Variants in SOX6 observed in about 807,000 individuals in gnomAD.
SOX6 encodes transcription factor SOX-6.
Under a neutral mutation model 97.8 loss-of-function variants are expected in SOX6, and 11 were observed. That is an observed-to-expected ratio of 0.11 (90% CI 0.07 to 0.19). SOX6 has a LOEUF of 0.19. SOX6 is among the 10% of genes least tolerant of loss of function. The pLI, the probability that SOX6 is intolerant of heterozygous loss-of-function variation, is 1.00. For synonymous variants in SOX6, 360 were observed against 371.4 expected, an observed-to-expected ratio of 0.97 and a Z score of 0.35; for missense variants, 810 against 1,039.5, an observed-to-expected ratio of 0.78 and a Z score of 3.04.
chr11:16,425,726 A>G (rs1230793056), intron 1 of SOX6, among the ~76,000 whole-genome samples: 2 of 152,196 alleles, frequency 1.3e-5, no homozygotes, highest in Non-Finnish European at 1.5e-5. Flanking sequence ...CAATTGCCAC[A>G]AAAACAATAG....
chr11:16,682,127 G>C (rs1392619446), intron 3 of SOX6, among the ~76,000 whole-genome samples: 1 of 152,196 alleles, frequency 6.6e-6, no homozygotes, highest in African/African-American at 2.4e-5. Context: ...CCAGCATCAT[G>C]CTGATAACAA....
intron 3 of SOX6, among the ~76,000 whole-genome samples, chr11:16,250,276 C>A (rs944950315): frequency 1.5e-4 from 10 of 66,226 alleles, no homozygotes; most frequent in African/African-American, 5.1e-4. Context: ...TAATTGCAAG[C>A]CACGGCCTTG....
intron 12 of SOX6, among the ~76,000 whole-genome samples, chr11:16,027,581 A>G (rs982044646): frequency 4.6e-5 from 7 of 152,232 alleles, no homozygotes; most frequent in Non-Finnish European, 1.5e-5. Context: ...CCCAATTTTT[A>G]GTTCTTTGCT....
intron 6 of SOX6, among the ~76,000 whole-genome samples, chr11:16,139,727 T>A (rs1356441496): frequency 1.3e-5 from 2 of 151,922 alleles, no homozygotes; most frequent in Non-Finnish European, 2.9e-5. Flanking sequence ...TGGAGTGTAT[T>A]TTGCTTCTAA....
chr11:16,565,038 CAAT>C (rs1847854207), intron 4 of SOX6, among the ~76,000 whole-genome samples: 1 of 151,898 alleles, frequency 6.6e-6, no homozygotes, highest in Non-Finnish European at 1.5e-5. Context: ...TTGAAATGAT[CAAT>C]AATATTGGCA....
intron 3 of SOX6, chr11:16,314,770 T>C: frequency 6.6e-6 from 1 of 152,236 alleles, no homozygotes; most frequent in East Asian, 1.9e-4. Context: ...ACAATTGATA[T>C]TTTATATTAC....
chr11:16,592,701 A>G (rs1158008372), intron 4 of SOX6, among the ~76,000 whole-genome samples: 1 of 151,926 alleles, frequency 6.6e-6, no homozygotes, highest in Admixed American at 6.6e-5. Context: ...ATTAATACAA[A>G]TGTCCTATTT....
At chr11:16,058,994 T>C (rs1224801522) in intron 9 of SOX6, among the ~76,000 whole-genome samples, 3 of 152,104 alleles carry the variant, frequency 2.0e-5, no homozygotes, top group African/African-American at 7.2e-5. Flanking sequence ...TGATACATGA[T>C]GCCTTCAATT....
chr11:16,063,528 A>G, intron 9 of SOX6, among the ~76,000 whole-genome samples: 1 of 82,070 alleles, frequency 1.2e-5, no homozygotes, highest in Non-Finnish European at 2.4e-5. Flanking sequence ...ATATATATAT[A>G]TATATATATA....
At chr11:16,233,228 A>G (rs1852912708) in intron 4 of SOX6, among the ~76,000 whole-genome samples, 1 of 152,146 alleles carries the variant, frequency 6.6e-6, no homozygotes, top group African/African-American at 2.4e-5. Flanking sequence ...TAAGTACCCA[A>G]ATTGTTAGTG....
chr11:16,069,332 T>A (rs1848167257), intron 9 of SOX6, among the ~76,000 whole-genome samples: 1 of 152,220 alleles, frequency 6.6e-6, no homozygotes, highest in African/African-American at 2.4e-5. Context: ...AACCCAGGTT[T>A]CCTACTTTCT....
chr11:16,668,182 G>A (rs1847821024), intron 3 of SOX6, among the ~76,000 whole-genome samples: 1 of 152,130 alleles, frequency 6.6e-6, no homozygotes. Context: ...AGACCAGCCA[G>A]GCCAACATGG....
At chr11:16,158,843 G>A (rs1326330827) in intron 6 of SOX6, among the ~76,000 whole-genome samples, 1 of 150,896 alleles carries the variant, frequency 6.6e-6, no homozygotes, top group Non-Finnish European at 1.5e-5. Flanking sequence ...TCTTGCATTA[G>A]TCCTATGTGC....
intron 5 of SOX6, among the ~76,000 whole-genome samples, chr11:16,186,394 C>A (rs1286187610): frequency 6.6e-6 from 1 of 152,112 alleles, no homozygotes; most frequent in African/African-American, 2.4e-5. Context: ...CTAAAAGATT[C>A]CCAAAGTTTT....
intron 3 of SOX6, among the ~76,000 whole-genome samples, chr11:16,623,685 A>G (rs1848580055): frequency 1.3e-5 from 2 of 149,642 alleles, no homozygotes; most frequent in Non-Finnish European, 2.9e-5. Flanking sequence ...TAGAATTTTT[A>G]CAGTTTCACG....
chr11:16,702,036 GTA>G (rs1848098902), intron 3 of SOX6, among the ~76,000 whole-genome samples: 1 of 152,200 alleles, frequency 6.6e-6, no homozygotes. Context: ...AGAAGCATGT[GTA>G]TCACAACAAT....
intron 1 of SOX6, among the ~76,000 whole-genome samples, chr11:16,450,536 A>G (rs1859697755): frequency 6.6e-6 from 1 of 152,216 alleles, no homozygotes; most frequent in Non-Finnish European, 1.5e-5. Context: ...TAACCTGGGC[A>G]CTAGAAAAGT....
chr11:16,471,269 GA>G (rs1036925758), intron 1 of SOX6, among the ~76,000 whole-genome samples: 7 of 151,526 alleles, frequency 4.6e-5, no homozygotes, highest in African/African-American at 7.3e-5. Flanking sequence ...TTTTTTAAGA[GA>G]AAAAAAACAC....
chr11:16,195,653 G>C (rs1452807570), intron 4 of SOX6, among the ~76,000 whole-genome samples: 1 of 152,166 alleles, frequency 6.6e-6, no homozygotes, highest in African/African-American at 2.4e-5. Context: ...AAGCCTGGCA[G>C]ACCAGATTCT....
Sources: allele counts gnomAD v4.1 joint callset (sites outside exome capture counted in the v4.1 genomes callset), GRCh38; gene constraint gnomAD v4.1.1; transcripts MANE v1.5; gene names NCBI Gene and HGNC (gene_info 2026-07-23, HGNC 2026-07-21).